Variants in ZNF277 observed in about 807,000 individuals in gnomAD.
ZNF277 encodes the protein nuclear receptor-interacting factor 4.
In ZNF277, 55 loss-of-function variants were observed where a neutral mutation model predicts 60.7. The observed-to-expected ratio is 0.91, with a 90% confidence interval of 0.73 to 1.13. The LOEUF (loss-of-function observed/expected upper bound fraction) is 1.13, where lower values mean the gene tolerates loss of function less well. Ranked by LOEUF, ZNF277 falls within the 50% of genes most tolerant of loss-of-function variation. The pLI, the probability that ZNF277 is intolerant of heterozygous loss-of-function variation, is 0.00. For missense variants in ZNF277, 510 were observed against 523.0 expected (o/e 0.98, Z 0.24); for synonymous variants, 178 against 179.3 (o/e 0.99, Z 0.06).
In ZNF277 at chr7:112,330,161, G is replaced by A. The variant is rs756693470; in HGVS notation, c.746G>A (p.Arg249His). Residue 249 changes from arginine (R) to histidine (H), a missense_variant, in exon 7 of 12, where the codon CGT (arginine) becomes CAT (histidine). Coordinates refer to ENST00000361822, the MANE Select transcript of ZNF277 (RefSeq NM_021994.3). ...LKDHMRKKQHRKINPKNREYD... is the reference protein window; with the variant it reads ...LKDHMRKKQHHKINPKNREYD... ...GATCACATGAGGAAAAAACAGCATC[G>A]TAAGATTAATCCTAAGAACAGAGAA... The A allele has an allele frequency of 1.9e-5, 31 of 1,613,034 alleles. No homozygotes were observed. The highest frequency in any genetic ancestry group is 5.3e-5 in the African/African-American group (4 of 74,982).
intron 1 of ZNF277, among the ~76,000 whole-genome samples, chr7:112,218,709 TCA>T (rs1821950030): frequency 6.6e-6 from 1 of 152,252 alleles, no homozygotes; most frequent in Admixed American, 6.5e-5. Context: ...ACAAATAAGA[TCA>T]CACAGTATGT....
chr7:112,233,761 T>C (rs1165349568), intron 1 of ZNF277, among the ~76,000 whole-genome samples: 1 of 152,216 alleles, frequency 6.6e-6, no homozygotes, highest in Non-Finnish European at 1.5e-5. Context: ...AAATCACAGG[T>C]TCCAATATTC....
chr7:112,241,059 A>G (rs1790934188), intron 1 of ZNF277, among the ~76,000 whole-genome samples: 1 of 152,174 alleles, frequency 6.6e-6, no homozygotes, highest in Non-Finnish European at 1.5e-5. Context: ...CAACAAAGTC[A>G]GGAGAAAACC....
chr7:112,286,084 G>A (rs189255886), intron 1 of ZNF277, among the ~76,000 whole-genome samples: 7 of 152,324 alleles, frequency 4.6e-5, no homozygotes, highest in African/African-American at 1.7e-4. Context: ...ACGACTGGCT[G>A]TGGTTTTAGG....
intron 1 of ZNF277, among the ~76,000 whole-genome samples, chr7:112,265,842 G>C (rs953830552): frequency 6.6e-6 from 1 of 152,146 alleles, no homozygotes; most frequent in Non-Finnish European, 1.5e-5. Flanking sequence ...AATTTAGTGA[G>C]AGTTTTAATC....
At chr7:112,215,233 C>G (rs1244650388) in intron 1 of ZNF277, among the ~76,000 whole-genome samples, 2 of 152,170 alleles carry the variant, frequency 1.3e-5, no homozygotes, top group Non-Finnish European at 2.9e-5. Context: ...ACTGCTACTA[C>G]TACTACAAAA....
At chr7:112,258,727 T>C (rs1469862967) in intron 1 of ZNF277, among the ~76,000 whole-genome samples, 2 of 152,194 alleles carry the variant, frequency 1.3e-5, no homozygotes, top group African/African-American at 2.4e-5. Context: ...AAAATAATCT[T>C]ATCTATGGGG....
At chr7:112,316,936 A>G (rs1217110617) in intron 4 of ZNF277, among the ~76,000 whole-genome samples, 2 of 151,852 alleles carry the variant, frequency 1.3e-5, no homozygotes, top group Non-Finnish European at 1.5e-5. Context: ...GATAAAGAAA[A>G]TGTGGCACAT....
intron 2 of ZNF277, among the ~76,000 whole-genome samples, chr7:112,294,335 C>T (rs996979441): frequency 6.6e-6 from 1 of 152,116 alleles, no homozygotes; most frequent in African/African-American, 2.4e-5. Flanking sequence ...TTTGTAGGTA[C>T]TTTTTCTCTA....
chr7:112,251,125 A>T lies in ZNF277; in HGVS notation c.92-35748A>T, dbSNP rs558702550. Among the ~76,000 whole-genome samples, 3 of 152,196 alleles carry T rather than the reference A, an allele frequency of 2.0e-5. No homozygotes were observed. The East Asian group carries it at 5.8e-4, about 29-fold the overall frequency. On this transcript the variant is annotated intron_variant, in intron 1 of 11. Coordinates refer to ENST00000361822, the MANE Select transcript of ZNF277 (RefSeq NM_021994.3). ...TATAAATCCTGCCTAGCCTTCAAAAACCAACTTGAGGAAGAATCCACACTT... is the reference window on the plus strand; with the variant it reads ...TATAAATCCTGCCTAGCCTTCAAAATCCAACTTGAGGAAGAATCCACACTT...
intron 5 of ZNF277, among the ~76,000 whole-genome samples, chr7:112,319,619 A>G (rs1260394180): frequency 2.0e-5 from 3 of 149,070 alleles, no homozygotes; most frequent in Non-Finnish European, 4.5e-5. Flanking sequence ...GAAGGTAGCC[A>G]CTTATTGGAA....
chr7:112,311,172 C>G (rs1039426209), intron 4 of ZNF277, among the ~76,000 whole-genome samples: 1 of 152,074 alleles, frequency 6.6e-6, no homozygotes, highest in Non-Finnish European at 1.5e-5. Flanking sequence ...TCCCCTATGA[C>G]TATGTTGAGT....
rs1171213748 is a variant in ZNF277, at chr7:112,330,548, C to CTTT, written c.801+353_801+355dup. ...TTAACTTGGGGCCAGAGACTCCTTT[C>CTTT]TTTTTTTTTTTTTTTTTTTTTTTCT... On this transcript the variant is annotated intron_variant, in intron 7 of 11. Transcript: ENST00000361822. 413 of 108,114 alleles carry CTTT rather than the reference C, an allele frequency of 3.8e-3. 3 individuals carry two copies. Among genetic ancestry groups the CTTT allele is most frequent in the African/African-American group, 9.2e-3 (253 of 27,582 alleles). 6.7% of individuals were successfully genotyped at this position (108,114 alleles called of 1,614,324 possible).
At chr7:112,266,309 G>C (rs1791549208) in intron 1 of ZNF277, among the ~76,000 whole-genome samples, 1 of 151,990 alleles carries the variant, frequency 6.6e-6, no homozygotes, top group Non-Finnish European at 1.5e-5. Context: ...ACCACACCCA[G>C]CTGATTTTTG....
intron 1 of ZNF277, among the ~76,000 whole-genome samples, chr7:112,218,766 A>G (rs527497264): frequency 1.3e-5 from 2 of 152,334 alleles, no homozygotes; most frequent in East Asian, 3.9e-4. Context: ...CTCCAGGTTC[A>G]TTCATGTTAT....
chr7:112,260,535 G>A (rs915889033), intron 1 of ZNF277, among the ~76,000 whole-genome samples: 2 of 152,002 alleles, frequency 1.3e-5, no homozygotes, highest in African/African-American at 4.8e-5. Flanking sequence ...ATTCATTTAA[G>A]TATTGTTGGG....
intron 1 of ZNF277, among the ~76,000 whole-genome samples, chr7:112,273,528 C>T (rs1430535810): frequency 2.0e-5 from 3 of 152,170 alleles, no homozygotes; most frequent in Non-Finnish European, 2.9e-5. Context: ...TGTGACTGCT[C>T]ACCTGATTTT....
chr7:112,336,416 T>G (rs1175728383), intron 8 of ZNF277, among the ~76,000 whole-genome samples: 1 of 152,168 alleles, frequency 6.6e-6, no homozygotes, highest in Non-Finnish European at 1.5e-5. Context: ...AATATATAAT[T>G]CAGAGAAAAA....
At chr7:112,291,584 C>A (rs1195140228) in intron 2 of ZNF277, among the ~76,000 whole-genome samples, 1 of 151,984 alleles carries the variant, frequency 6.6e-6, no homozygotes, top group Admixed American at 6.6e-5. Context: ...AAGAGAAGTA[C>A]TAAATGAGCT....
Sources: allele counts gnomAD v4.1 joint callset (sites outside exome capture counted in the v4.1 genomes callset), GRCh38; gene constraint gnomAD v4.1.1; transcripts MANE v1.5; gene names NCBI Gene and HGNC (gene_info 2026-07-23, HGNC 2026-07-21).